The following SPEN variants were observed in gnomAD, a reference collection of about 807,000 sequenced individuals.
SPEN encodes the protein spen family transcriptional repressor.
In SPEN, 18 loss-of-function variants were observed where a neutral mutation model predicts 269.9. The ratio of observed to expected loss-of-function variants is 0.07; its 90% confidence interval spans 0.05 to 0.10. SPEN has a LOEUF of 0.10. SPEN is among the 10% of genes least tolerant of loss of function. The pLI is 1.00. For synonymous variants in SPEN, 1,726 were observed against 1,765.7 expected (o/e 0.98, Z 0.56); for missense variants, 3,822 against 4,631.2 (o/e 0.83, Z 5.07).
chr1:15,881,689 A>C (rs2070688786), intron 3 of SPEN, among the ~76,000 whole-genome samples: 1 of 152,244 alleles, frequency 6.6e-6, no homozygotes, highest in South Asian at 2.1e-4. Flanking sequence ...GTACAGAAAT[A>C]ATCCTCTGGT....
chr1:15,879,004 C>CA (rs3048559), intron 3 of SPEN, among the ~76,000 whole-genome samples: 42 of 76,538 alleles, frequency 5.5e-4, no homozygotes, highest in South Asian at 5.3e-3. Flanking sequence ...GACTCTGTCT[C>CA]AAAAAAAAAA....
rs777436030 is a variant in SPEN, at chr1:15,935,504, G to C, written c.9264G>C (p.Val3088=). 6.2e-7 allele frequency: 1 copy of C among 1,613,894 alleles called. No homozygotes were observed. The part of the protein sequence containing the change: ...IMPPHSITQT[V]SLSHLSQGEV... ...CACCCCACAGCATCACCCAGACTGTGTCCCTGAGCCACCTCTCCCAGGGCG... is the reference window on the plus strand; with the variant it reads ...CACCCCACAGCATCACCCAGACTGTCTCCCTGAGCCACCTCTCCCAGGGCG... The change falls in exon 11 of 15, where the codon GTG becomes GTC. Residue 3088 remains valine (V), a synonymous_variant. Transcript: ENST00000375759. The surrounding 1 kb of genome is among the most constrained non-coding windows in gnomAD (Gnocchi z 7.7).
intron 5 of SPEN, 51 bp from the exon 6 acceptor site, chr1:15,916,077 T>A (rs1286173172): frequency 6.5e-7 from 1 of 1,549,130 alleles, no homozygotes; most frequent in African/African-American, 1.4e-5. Context: ...TATATAAATA[T>A]GCATTAAAAT....
chr1:15,921,350 G>A (rs1434781767), intron 9 of SPEN, among the ~76,000 whole-genome samples: 5 of 152,152 alleles, frequency 3.3e-5, no homozygotes, highest in East Asian at 1.9e-4. Context: ...AAATCACCCC[G>A]TTAATAACTA....
chr1:15,847,949 G>C lies in SPEN; in HGVS notation c.-119G>C. Reference sequence around the variant, plus strand: ...AGCCGGAGGAGCCGCCGCCGCTGCCGACGCCACCGCCGCAGCCGCCGCCGC... The same window carrying C: ...AGCCGGAGGAGCCGCCGCCGCTGCCCACGCCACCGCCGCAGCCGCCGCCGC... On this transcript the variant is annotated 5_prime_UTR_variant, in exon 1 of 15. Transcript: ENST00000375759. The C allele has an allele frequency of 2.2e-6, 1 of 464,694 alleles. No homozygotes were observed. 28.8% of individuals were successfully genotyped at this position (464,694 alleles called of 1,614,324 possible). A position where few individuals can be genotyped will look rare whatever the true frequency, so the allele number is the denominator to read the frequency against.
In SPEN at chr1:15,847,736, A is replaced by C; in HGVS notation, c.-332A>C. ...GGAAGCGTCCGGCTGCCACAGCGCC[A>C]GCTCCGTCGTAGTCGCTGCCGCCCG... On this transcript the variant is annotated 5_prime_UTR_variant, in exon 1 of 15. Coordinates refer to ENST00000375759, the MANE Select transcript of SPEN (RefSeq NM_015001.3). 6.1e-6 allele frequency: 1 copy of C among 164,146 alleles called. No homozygotes were observed. The highest frequency in any genetic ancestry group is 1.3e-5 in the Non-Finnish European group (1 of 75,898). The allele number at this position is 164,146 out of a possible 1,614,324, so 10.2% of individuals were successfully genotyped here. A position where few individuals can be genotyped will look rare whatever the true frequency, so the allele number is the denominator to read the frequency against.
chr1:15,933,966 G>A lies in SPEN; in HGVS notation c.7726G>A (p.Val2576Ile), dbSNP rs773122869. The change falls in exon 11 of 15, where the codon GTT (valine) becomes ATT (isoleucine). Residue 2576 changes from valine to isoleucine, a missense_variant. This residue lies in a region of SPEN where 727 missense variants were observed against 737.9 expected (regional missense o/e 0.99). Coordinates refer to ENST00000375759, the MANE Select transcript of SPEN (RefSeq NM_015001.3). This position sits in a 1 kb window ranked among gnomAD's most constrained non-coding sequence, Gnocchi z 5.7. ...CCTACATGAGGCCCCGCCCCCGCCA[G>A]TTGACTCTAAAAAGCCTTTAGAAGA... The part of the protein sequence containing the change: ...PCLHEAPPPP[V>I]DSKKPLEEKT... 1 of 1,613,960 alleles carries A rather than the reference G, an allele frequency of 6.2e-7. No homozygotes were observed. The highest frequency in any genetic ancestry group is 1.1e-5 in the South Asian group (1 of 91,072).
chr1:15,872,206 G>A (rs931854664), intron 1 of SPEN, among the ~76,000 whole-genome samples: 1 of 134,522 alleles, frequency 7.4e-6, no homozygotes, highest in Non-Finnish European at 1.5e-5. Context: ...CTGGGTGACA[G>A]AGTGAGACTC....
At chr1:15,936,354 T>G in intron 11 of SPEN, 88 bp downstream of exon 11, 1 of 1,439,182 alleles carries the variant, frequency 6.9e-7, no homozygotes, top group African/African-American at 1.4e-5. Flanking sequence ...GTGAAAGAAA[T>G]CAGGGGCCAG....
Position 15,939,492 on chromosome 1 carries a change from C to T in SPEN, c.*65C>T. On this transcript the variant is annotated 3_prime_UTR_variant, in exon 15 of 15. Coordinates refer to ENST00000375759, the MANE Select transcript of SPEN (RefSeq NM_015001.3). The surrounding 1 kb of genome is among the most constrained non-coding windows in gnomAD (Gnocchi z 4.1). ...CTCTGCAGTAAAAACAAAGGACAAC[C>T]CAGCCAAGCAGAGGAAGAAGCTGCC... 2.1e-6 allele frequency: 3 copies of T among 1,463,214 alleles called. No homozygotes were observed. The highest frequency in any genetic ancestry group is 2.7e-6 in the Non-Finnish European group (3 of 1,100,846). 90.6% of individuals were successfully genotyped at this position (1,463,214 alleles called of 1,614,324 possible).
Position 15,876,317 on chromosome 1 carries a change from C to T in SPEN, c.520C>T (p.Arg174Ter). Residue 174 changes from arginine to a stop codon, truncating the protein, a stop_gained, in exon 3 of 15, where the codon CGA becomes TGA. Coordinates refer to ENST00000375759, the MANE Select transcript of SPEN (RefSeq NM_015001.3). LOFTEE classifies it high-confidence loss of function. ...HYDQDYYRDP[R>*]ERTLQHGLYY... ...CGATCAGGATTACTATAGAGATCCT[C>T]GAGAGCGGACTTTACAACATGGGCT... 2 of 1,613,864 alleles carry T rather than the reference C, an allele frequency of 1.2e-6. No individual in the cohort carries two copies. The highest frequency in any genetic ancestry group is 2.2e-5 in the East Asian group (1 of 44,870).
At chr1:15,913,880 A>G (rs1164095923) in intron 5 of SPEN, among the ~76,000 whole-genome samples, 1 of 152,096 alleles carries the variant, frequency 6.6e-6, no homozygotes, top group Non-Finnish European at 1.5e-5. Context: ...AAAAGAAAGA[A>G]AGAAAATGCA....
intron 3 of SPEN, among the ~76,000 whole-genome samples, chr1:15,893,490 C>T (rs1198739547): frequency 2.0e-5 from 3 of 152,162 alleles, no homozygotes; most frequent in South Asian, 2.1e-4. Flanking sequence ...CTGAGTAATT[C>T]GTAGTCATTT....
chr1:15,856,636 C>T (rs969859412), intron 1 of SPEN, among the ~76,000 whole-genome samples: 2 of 144,094 alleles, frequency 1.4e-5, no homozygotes, highest in Non-Finnish European at 3.0e-5. Flanking sequence ...GGCATGATCT[C>T]GGCTCACTGC....
rs1235510855 is a variant in SPEN, at chr1:15,865,207, A to G, written c.84-7609A>G. ...GCTGGGACTACAGGCGCACGCTGCC[A>G]TGCCTGGCTAAATTTTGTATTTTAG... On this transcript the variant is annotated intron_variant, in intron 1 of 14. Transcript: ENST00000375759. Among the ~76,000 whole-genome samples the G allele has an allele frequency of 2.0e-5, 3 of 151,682 alleles. No individual in the cohort carries two copies. The East Asian group carries it at 5.9e-4, about 30-fold the overall frequency.
chr1:15,889,291 G>C (rs573618178), intron 3 of SPEN, among the ~76,000 whole-genome samples: 75 of 151,090 alleles, frequency 5.0e-4, no homozygotes, highest in African/African-American at 1.8e-3. Flanking sequence ...TCAGCCTCCT[G>C]AGTAGCTGGG....
In SPEN at chr1:15,931,218, G is replaced by A; in HGVS notation, c.4978G>A (p.Asp1660Asn). Residue 1660 changes from aspartate to asparagine, a missense_variant, in exon 11 of 15, where the codon GAC (aspartate) becomes AAC (asparagine). Physicochemically the swap from Asp to Asn is conservative, Grantham distance 23 (BLOSUM62 1). Transcript: ENST00000375759. The surrounding 1 kb of genome is among the most constrained non-coding windows in gnomAD (Gnocchi z 4.8). ...APSALEKTTG[D>N]KTVEAPLVTE... Reference sequence around the variant, plus strand: ...ATCAGCACTAGAGAAGACCACTGGTGACAAAACGGTAGAGGCGCCTTTGGT... The same window carrying A: ...ATCAGCACTAGAGAAGACCACTGGTAACAAAACGGTAGAGGCGCCTTTGGT... 1 of 1,614,220 alleles carries A rather than the reference G, an allele frequency of 6.2e-7. No individual in the cohort carries two copies. The highest frequency in any genetic ancestry group is 8.5e-7 in the Non-Finnish European group (1 of 1,180,034).
At chr1:15,888,177 C>A (rs980084133) in intron 3 of SPEN, among the ~76,000 whole-genome samples, 1 of 151,098 alleles carries the variant, frequency 6.6e-6, no homozygotes, top group African/African-American at 2.4e-5. Context: ...GGTGCTGTCT[C>A]AGCTCACTGC....
chr1:15,847,747 A>G lies in SPEN; in HGVS notation c.-321A>G. 5.7e-6 allele frequency: 1 copy of G among 176,560 alleles called. No homozygotes were observed. The highest frequency in any genetic ancestry group is 1.2e-5 in the Non-Finnish European group (1 of 83,132). 10.9% of individuals were successfully genotyped at this position (176,560 alleles called of 1,614,324 possible). On this transcript the variant is annotated 5_prime_UTR_variant, in exon 1 of 15. Coordinates refer to ENST00000375759, the MANE Select transcript of SPEN (RefSeq NM_015001.3). The stretch of plus-strand genomic sequence containing the variant: ...GCTGCCACAGCGCCAGCTCCGTCGT[A>G]GTCGCTGCCGCCCGTGTCCCGCTCG...
Sources: gnomAD v4.1 joint callset for allele counts (sites outside exome capture counted in the v4.1 genomes callset) on GRCh38, gnomAD v4.1.1 for gene constraint, gnomAD v4.1.1 regional missense constraint, Gnocchi (gnomAD v3.1) non-coding constraint, MANE v1.5 for transcripts, NCBI Gene and HGNC (gene_info 2026-07-23, HGNC 2026-07-21) for gene names.